Variants in GTPBP1 observed in about 807,000 individuals in gnomAD.
The protein encoded by GTPBP1 is GTP binding protein 1, also known as GTP-binding protein 1.
A neutral mutation model predicts 62.0 loss-of-function variants in GTPBP1; 23 were observed. The observed-to-expected ratio is 0.37, with a 90% CI of 0.27 to 0.53. GTPBP1 has a LOEUF of 0.53. Ranked by LOEUF, GTPBP1 falls within the 20% of genes least tolerant of loss-of-function variation. GTPBP1 has a pLI of 0.89. For synonymous variants in GTPBP1, 344 were observed against 364.4 expected, an observed-to-expected ratio of 0.94 and a Z score of 0.64; for missense variants, 640 against 917.3, an observed-to-expected ratio of 0.70 and a Z score of 3.90.
In GTPBP1 at chr22:38,706,097, G is replaced by A; in HGVS notation, c.142G>A (p.Glu48Lys). The A allele has an allele frequency of 7.6e-7, 1 of 1,316,504 alleles. No homozygotes were observed. The highest frequency in any genetic ancestry group is 9.7e-7 in the Non-Finnish European group (1 of 1,032,592). 81.6% of individuals were successfully genotyped at this position (1,316,504 alleles called of 1,614,324 possible). The stretch of plus-strand genomic sequence containing the variant: ...CGGCGGCTTTGACTCGGACTGCAGC[G>A]AGGACGGCGAGGCGCTCAACGGCGA... ...LHGGFDSDCS[E>K]DGEALNGEPE... Residue 48 changes from glutamate (E) to lysine (K), a missense_variant, in exon 1 of 12, where the codon GAG becomes AAG. Coordinates refer to ENST00000216044, the MANE Select transcript of GTPBP1 (RefSeq NM_004286.5).
chr22:38,736,490 C>T, downstream of GTPBP1: 1 of 800,826 alleles, frequency 1.2e-6, no homozygotes, highest in Non-Finnish European at 1.9e-6. Flanking sequence ...CTCCCCTGCT[C>T]CTTCCCTGGG....
intron 5 of GTPBP1, chr22:38,723,174 C>T: frequency 1.2e-6 from 1 of 859,092 alleles, no homozygotes; most frequent in Non-Finnish European, 2.0e-6. Context: ...GCAACAGTTT[C>T]TGTAGGACCA....
In GTPBP1 at chr22:38,732,303, C is replaced by G. The variant is rs1569288364; in HGVS notation, c.*1599C>G. 6.5e-6 allele frequency: 1 copy of G among 152,680 alleles called. No individual in the cohort carries two copies. Among genetic ancestry groups the G allele is most frequent in the Admixed American group, 6.5e-5 (1 of 15,286 alleles). 9.5% of individuals were successfully genotyped at this position (152,680 alleles called of 1,614,324 possible). ...GTGCTGCCACGGGAACGCAGTTGCT[C>G]TGCCTGCCCTGGGGCCCCTGGCGAC... On this transcript the variant is annotated 3_prime_UTR_variant, in exon 12 of 12. Transcript: ENST00000216044.
downstream of GTPBP1, chr22:38,741,193 G>T: frequency 1.1e-6 from 1 of 919,330 alleles, no homozygotes. Flanking sequence ...AATCAAACTG[G>T]CCTCCTTGTC....
chr22:38,717,603 T>G (rs1017184354), intron 4 of GTPBP1, among the ~76,000 whole-genome samples: 1 of 152,226 alleles, frequency 6.6e-6, no homozygotes, highest in African/African-American at 2.4e-5. Flanking sequence ...CGTGATTAAA[T>G]TTTTAAGCAG....
chr22:38,742,304 G>T (rs771476934), downstream of GTPBP1: 4 of 1,598,300 alleles, frequency 2.5e-6, no homozygotes, highest in East Asian at 9.0e-5. Flanking sequence ...CTCCTACCTG[G>T]ATGCGAGCAG....
At chr22:38,719,049 A>G (rs1432793550) in intron 4 of GTPBP1, among the ~76,000 whole-genome samples, 2 of 152,086 alleles carry the variant, frequency 1.3e-5, no homozygotes, top group East Asian at 1.9e-4. Flanking sequence ...TCTTTCGCCC[A>G]GACTGGAGTG....
At chr22:38,706,783 TG>T (rs1380743895) in intron 1 of GTPBP1, 1 of 152,240 alleles carries the variant, frequency 6.6e-6, no homozygotes, top group Non-Finnish European at 1.5e-5. Flanking sequence ...CGCTATCCTG[TG>T]AGTGGAAGCT....
downstream of GTPBP1, chr22:38,742,371 T>C (rs199527186): frequency 9.3e-6 from 15 of 1,613,104 alleles, no homozygotes; most frequent in African/African-American, 1.9e-4. Flanking sequence ...CACTAGCCCC[T>C]CCAGCAGCGC....
At chr22:38,713,089 G>A (rs568310975) in intron 2 of GTPBP1, among the ~76,000 whole-genome samples, 159 of 152,266 alleles carry the variant, frequency 1.0e-3, no homozygotes, top group African/African-American at 3.7e-3. Context: ...GACATTTGTG[G>A]GCAGAATGAG....
intron 2 of GTPBP1, among the ~76,000 whole-genome samples, chr22:38,712,181 T>C (rs1268621633): frequency 6.6e-6 from 1 of 151,978 alleles, no homozygotes; most frequent in East Asian, 1.9e-4. Flanking sequence ...GGCCAAGGAG[T>C]ACTAAGTCTT....
downstream of GTPBP1, chr22:38,739,302 G>T: frequency 6.2e-7 from 1 of 1,601,458 alleles, no homozygotes; most frequent in Non-Finnish European, 8.5e-7. This position sits in a 1 kb window ranked among gnomAD's most constrained non-coding sequence, Gnocchi z 6.7. Flanking sequence ...GCCATTGCGG[G>T]GTCCAGGACA....
rs2092756258 is a variant in GTPBP1 at position 38,731,011 on chromosome 22, TGTGTGTGTGTGTGTG to T, written c.*308_*322del. 3.8e-4 allele frequency: 23 copies of T among 60,428 alleles called. No individual in the cohort carries two copies. The highest frequency in any genetic ancestry group is 1.2e-3 in the East Asian group (4 of 3,440). 3.7% of individuals were successfully genotyped at this position (60,428 alleles called of 1,614,324 possible). A position where few individuals can be genotyped will look rare whatever the true frequency, so the allele number is the denominator to read the frequency against. Reference sequence around the variant, plus strand: ...ATTATATGTCTCTGTCTCTCTCTATTGTGTGTGTGTGTGTGTGTGTGTGTGTGTGTGTGTGTGTGG... The same window carrying T: ...ATTATATGTCTCTGTCTCTCTCTATTTGTGTGTGTGTGTGTGTGTGTGTGG... On this transcript the variant is annotated 3_prime_UTR_variant, in exon 12 of 12. Transcript: ENST00000216044.
At chr22:38,738,178 AGTGAAAC>A, downstream of GTPBP1, 1 of 1,613,994 alleles carries the variant, frequency 6.2e-7, no homozygotes, top group Non-Finnish European at 8.5e-7. The surrounding 1 kb of genome is among the most constrained non-coding windows in gnomAD (Gnocchi z 6.6). Context: ...CGTACCTGAA[AGTGAAAC>A]GTCTGAATAG....
At chr22:38,706,545 CCCTGGA>C in intron 1 of GTPBP1, 1 of 165,324 alleles carries the variant, frequency 6.0e-6, no homozygotes, top group East Asian at 1.7e-4. Context: ...AGTCTCCTCT[CCCTGGA>C]CCGCGCGGGA....
At chr22:38,717,063 C>T (rs2092674954) in intron 4 of GTPBP1, 63 bp downstream of exon 4, 1 of 1,014,222 alleles carries the variant, frequency 9.9e-7, no homozygotes, top group Non-Finnish European at 1.5e-6. Flanking sequence ...TGGTTATGTG[C>T]AAGTCTGAAA....
In GTPBP1 at chr22:38,718,905, C is replaced by A. The variant is rs555992549; in HGVS notation, c.834+1905C>A. On this transcript the variant is annotated intron_variant, in intron 4 of 11. Coordinates refer to ENST00000216044, the MANE Select transcript of GTPBP1 (RefSeq NM_004286.5). ...CAGAAAAGGTGAAAGAATAGTATAA[C>A]CAATACCATAAATCCACCACTTAGA... Among the ~76,000 whole-genome samples the A allele has an allele frequency of 3.3e-5, 5 of 152,322 alleles. No individual in the cohort carries two copies. The South Asian group carries it at 8.3e-4, about 25-fold the overall frequency.
In GTPBP1 at chr22:38,730,567, C is replaced by A; in HGVS notation, c.1918-45C>A. On this transcript the variant is annotated intron_variant, in intron 11 of 11. Coordinates refer to ENST00000216044, the MANE Select transcript of GTPBP1 (RefSeq NM_004286.5). The surrounding 1 kb of genome is among the most constrained non-coding windows in gnomAD (Gnocchi z 5.6). ...TCAGCACCTCTGCTCTCTGGCCCTG[C>A]TCCTGATGGGCCAGTGCTTCTCAAG... 7.7e-7 allele frequency: 1 copy of A among 1,294,362 alleles called. No individual in the cohort carries two copies. The highest frequency in any genetic ancestry group is 1.1e-6 in the Non-Finnish European group (1 of 898,624). 80.2% of individuals were successfully genotyped at this position (1,294,362 alleles called of 1,614,324 possible).
At chr22:38,711,480 A>G (rs948371652) in intron 2 of GTPBP1, among the ~76,000 whole-genome samples, 1 of 152,248 alleles carries the variant, frequency 6.6e-6, no homozygotes, top group Non-Finnish European at 1.5e-5. Context: ...TGAGCATTAC[A>G]TAAATGTTAG....
Sources: allele counts gnomAD v4.1 joint callset (sites outside exome capture counted in the v4.1 genomes callset), GRCh38; gene constraint gnomAD v4.1.1; non-coding constraint Gnocchi (gnomAD v3.1); transcripts MANE v1.5; gene names NCBI Gene and HGNC (gene_info 2026-07-23, HGNC 2026-07-21).